ENOX1: variants seen among roughly 807,000 people sequenced by gnomAD.
ENOX1 encodes the protein candidate growth-related and time keeping constitutive hydroquinone (NADH) oxidase.
In ENOX1, 42 loss-of-function variants were observed where a neutral mutation model predicts 82.5. The ratio of observed to expected loss-of-function variants is 0.51; its 90% CI spans 0.40 to 0.66. The LOEUF (loss-of-function observed/expected upper bound fraction) is 0.66, where lower values mean the gene tolerates loss of function less well. Among genes scored for constraint, ENOX1 ranks in the 30% least tolerant of loss-of-function variants. The pLI is 0.00. For missense variants in ENOX1, 608 were observed against 811.6 expected (o/e 0.75, Z 3.05); for synonymous variants, 271 against 282.2 (o/e 0.96, Z 0.40).
intron 2 of ENOX1, among the ~76,000 whole-genome samples, chr13:43,597,056 C>T (rs527655675): frequency 1.3e-5 from 2 of 152,272 alleles, no homozygotes; most frequent in Non-Finnish European, 2.9e-5. Context: ...ACAATCACGT[C>T]AGAAGGCGAA....
chr13:43,570,840 C>CTG (rs1308274143), intron 2 of ENOX1, among the ~76,000 whole-genome samples: 2 of 152,158 alleles, frequency 1.3e-5, no homozygotes, highest in Admixed American at 6.5e-5. Context: ...AAGGATTCTA[C>CTG]TGTTTGCACG....
intron 12 of ENOX1, among the ~76,000 whole-genome samples, chr13:43,285,073 GT>G (rs2153494610): frequency 6.6e-6 from 1 of 152,286 alleles, no homozygotes; most frequent in East Asian, 1.9e-4. Context: ...GAGATGGGTG[GT>G]CTGTAAAGTG....
intron 5 of ENOX1, among the ~76,000 whole-genome samples, chr13:43,410,050 A>G (rs2054029435): frequency 6.6e-6 from 1 of 152,238 alleles, no homozygotes; most frequent in Non-Finnish European, 1.5e-5. Context: ...AATCTTCTAT[A>G]ACGCGTAGGG....
At chr13:43,735,831 T>C (rs1446893492) in intron 1 of ENOX1, among the ~76,000 whole-genome samples, 3 of 152,174 alleles carry the variant, frequency 2.0e-5, no homozygotes, top group African/African-American at 7.2e-5. Flanking sequence ...CACATATATA[T>C]AATCACACCA....
intron 5 of ENOX1, among the ~76,000 whole-genome samples, chr13:43,378,276 A>G (rs1418648205): frequency 6.6e-6 from 1 of 152,226 alleles, no homozygotes; most frequent in Non-Finnish European, 1.5e-5. Context: ...AAAGTCTGAC[A>G]GTCTCTCTGA....
intron 9 of ENOX1, among the ~76,000 whole-genome samples, chr13:43,336,256 C>T (rs532924293): frequency 3.9e-4 from 60 of 152,254 alleles, no homozygotes; most frequent in African/African-American, 1.1e-3. Flanking sequence ...GAAATGTGGA[C>T]GAGGACACCA....
chr13:43,259,933 T>A (rs1486860367), intron 14 of ENOX1, among the ~76,000 whole-genome samples: 2 of 152,204 alleles, frequency 1.3e-5, no homozygotes, highest in Admixed American at 1.3e-4. Flanking sequence ...GAGTTGTTTT[T>A]TACCTTTAGA....
chr13:43,745,236 A>G (rs2153828985), intron 1 of ENOX1, among the ~76,000 whole-genome samples: 1 of 152,356 alleles, frequency 6.6e-6, no homozygotes, highest in Middle Eastern at 3.4e-3. Flanking sequence ...GGAGAAGACA[A>G]CAAAAATGCC....
intron 16 of ENOX1, among the ~76,000 whole-genome samples, chr13:43,220,010 C>A (rs1431028443): frequency 6.6e-6 from 1 of 152,142 alleles, no homozygotes; most frequent in Non-Finnish European, 1.5e-5. Context: ...ACAGTGTTAG[C>A]ACACACAGAC....
intron 2 of ENOX1, among the ~76,000 whole-genome samples, chr13:43,509,293 G>T (rs1258970181): frequency 6.6e-6 from 1 of 152,000 alleles, no homozygotes; most frequent in Non-Finnish European, 1.5e-5. Flanking sequence ...GAGGAACACT[G>T]GTCTCTCTGC....
chr13:43,429,495 T>C (rs1415223274), intron 3 of ENOX1, among the ~76,000 whole-genome samples: 1 of 152,176 alleles, frequency 6.6e-6, no homozygotes, highest in Non-Finnish European at 1.5e-5. Context: ...AACTAGGTAG[T>C]TTGAGCCTGT....
chr13:43,705,927 A>C (rs1241286989), intron 1 of ENOX1, among the ~76,000 whole-genome samples: 5 of 152,244 alleles, frequency 3.3e-5, no homozygotes, highest in Middle Eastern at 6.8e-3. Context: ...TGGAATAAAA[A>C]ACATCTTAAT....
intron 1 of ENOX1, among the ~76,000 whole-genome samples, chr13:43,703,183 A>C (rs1402343538): frequency 2.0e-5 from 3 of 152,146 alleles, no homozygotes; most frequent in Non-Finnish European, 4.4e-5. Flanking sequence ...CCAGGCACAG[A>C]CTAAGATAGG....
rs780160910 is a variant in ENOX1 at position 43,344,630 on chromosome 13, C to T, written c.944G>A (p.Arg315His). 2.5e-6 allele frequency: 4 copies of T among 1,614,090 alleles called. No individual in the cohort carries two copies. Among genetic ancestry groups the T allele is most frequent in the Non-Finnish European group, 3.4e-6 (4 of 1,180,022 alleles). ...SMVQSANSHVRRLMNEKATHE... is the reference protein window; with the variant it reads ...SMVQSANSHVHRLMNEKATHE... ...GGTGGCTTTTTCATTCATTAGCCGGCGGACGTGGCTGTTGGCCGACTGCAC... is the reference window on the plus strand; with the variant it reads ...GGTGGCTTTTTCATTCATTAGCCGGTGGACGTGGCTGTTGGCCGACTGCAC... The change falls in exon 9 of 17, where the codon CGC (arginine) becomes CAC (histidine). Residue 315 changes from arginine (R) to histidine (H), a missense_variant. Coordinates refer to ENST00000690772, the MANE Select transcript of ENOX1 (RefSeq NM_001347969.2).
intron 3 of ENOX1, among the ~76,000 whole-genome samples, chr13:43,414,729 C>T (rs560727987): frequency 1.4e-4 from 22 of 152,286 alleles, no homozygotes; most frequent in African/African-American, 4.6e-4. Flanking sequence ...CACTATTTGT[C>T]TTACTTATCT....
Position 43,695,864 on chromosome 13 carries a change from T to C in ENOX1, c.-284-28320A>G, listed in dbSNP as rs141376030. On this transcript the variant is annotated intron_variant, in intron 1 of 16. Coordinates refer to ENST00000690772, the MANE Select transcript of ENOX1 (RefSeq NM_001347969.2). ...AGTGATTTTTAATATATTCACAGAG[T>C]TCGGCAATTATCACCATTATTTAAT... is the stretch of plus-strand genomic sequence containing the variant. 2.0e-5 allele frequency among the ~76,000 whole-genome samples: 3 copies of C among 152,288 alleles called. 1 individual carries two copies. Among genetic ancestry groups the C allele is most frequent in the African/African-American group, 7.2e-5 (3 of 41,548 alleles).
chr13:43,320,108 C>G (rs1447563061), intron 11 of ENOX1, among the ~76,000 whole-genome samples: 4 of 152,198 alleles, frequency 2.6e-5, no homozygotes. Flanking sequence ...ATATGCAGGG[C>G]TGAAAGAAAA....
intron 3 of ENOX1, among the ~76,000 whole-genome samples, chr13:43,416,353 G>T (rs2054551172): frequency 6.8e-6 from 1 of 147,392 alleles, no homozygotes; most frequent in African/African-American, 2.5e-5. Flanking sequence ...CCCAGATGGG[G>T]CGGCCGGACA....
At chr13:43,630,731 A>T (rs759922679) in intron 2 of ENOX1, among the ~76,000 whole-genome samples, 5 of 152,058 alleles carry the variant, frequency 3.3e-5, no homozygotes, top group Non-Finnish European at 5.9e-5. Flanking sequence ...AAAAATACAT[A>T]AAAATGGAAC....
Sources: gnomAD v4.1 joint callset for allele counts (sites outside exome capture counted in the v4.1 genomes callset) on GRCh38, gnomAD v4.1.1 for gene constraint, MANE v1.5 for transcripts, NCBI Gene and HGNC (gene_info 2026-07-23, HGNC 2026-07-21) for gene names.